PTPN18: variants seen among roughly 807,000 people sequenced by gnomAD.
PTPN18 encodes the protein protein tyrosine phosphatase non-receptor type 18.
In PTPN18, 65 loss-of-function variants were observed where a neutral mutation model predicts 65.4. That is an observed-to-expected ratio of 0.99 (90% CI 0.81 to 1.22). The LOEUF (loss-of-function observed/expected upper bound fraction) is 1.22, where lower values mean the gene tolerates loss of function less well. PTPN18 is among the 50% of genes most tolerant of loss of function. PTPN18 has a pLI of 0.00. For missense variants in PTPN18, 616 were observed against 646.5 expected (o/e 0.95, Z 0.51); for synonymous variants, 255 against 267.8 (o/e 0.95, Z 0.47).
chr2:130,373,294 C>A lies in PTPN18; in HGVS notation c.*70C>A. 7.1e-7 allele frequency: 1 copy of A among 1,402,840 alleles called. No individual in the cohort carries two copies. The highest frequency in any genetic ancestry group is 9.6e-7 in the Non-Finnish European group (1 of 1,045,724). The allele number at this position is 1,402,840 out of a possible 1,614,324, so 86.9% of individuals were successfully genotyped here. A position where few individuals can be genotyped will look rare whatever the true frequency, so the allele number is the denominator to read the frequency against. ...GCTGATGCCCCGGTGCTGCTGAGCG[C>A]CGTGCGCAGAATGGAAACAGTGGGC... is the stretch of plus-strand genomic sequence containing the variant. On this transcript the variant is annotated 3_prime_UTR_variant, in exon 15 of 15. Transcript: ENST00000175756. This position sits in a 1 kb window ranked among gnomAD's most constrained non-coding sequence, Gnocchi z 4.1.
At chr2:130,372,104 G>C in intron 12 of PTPN18, 153 bp from the exon 13 acceptor site, 2 of 659,956 alleles carry the variant, frequency 3.0e-6, no homozygotes, top group Non-Finnish European at 4.9e-6. Flanking sequence ...TAGGGACACA[G>C]AAGCGAGGCC....
At chr2:130,362,066 CA>C in intron 5 of PTPN18, 1 of 460,346 alleles carries the variant, frequency 2.2e-6, no homozygotes, top group Non-Finnish European at 4.5e-6. Context: ...ATCCTGGGCT[CA>C]AATGATCATG....
In PTPN18 at chr2:130,372,446, GCACGCGGAGGA is replaced by G; in HGVS notation, c.1205_1215del (p.His402ArgfsTer12). On this transcript the variant is annotated frameshift_variant, in exon 13 of 15. Coordinates refer to ENST00000175756, the MANE Select transcript of PTPN18 (RefSeq NM_014369.4). LOFTEE classifies it high-confidence loss of function. Reference sequence around the variant, plus strand: ...CGCCGCGCGCCCAGCGACCCGGGGCGCACGCGGAGGACGCGAGGGGGACGCTGCCTGGCCGC... The same window carrying G: ...CGCCGCGCGCCCAGCGACCCGGGGCGCGCGAGGGGGACGCTGCCTGGCCGC... 7.3e-7 allele frequency: 1 copy of G among 1,368,220 alleles called. No individual in the cohort carries two copies. Among genetic ancestry groups the G allele is most frequent in the Non-Finnish European group, 9.4e-7 (1 of 1,067,728 alleles). 84.8% of individuals were successfully genotyped at this position (1,368,220 alleles called of 1,614,324 possible).
At chr2:130,360,833 C>A (rs1680169307) in intron 5 of PTPN18, among the ~76,000 whole-genome samples, 1 of 149,848 alleles carries the variant, frequency 6.7e-6, no homozygotes, top group Non-Finnish European at 1.5e-5. Flanking sequence ...TTTTCATTTT[C>A]CACTTTTTTT....
chr2:130,356,538 G>A, intron 1 of PTPN18: 1 of 504,932 alleles, frequency 2.0e-6, no homozygotes, highest in South Asian at 1.6e-5. Context: ...GGGCGGCCCT[G>A]CTGCGCTGGA....
At position 130,370,731 on chromosome 2, in the gene PTPN18, T is replaced by C; in HGVS notation, c.783T>C (p.Phe261=). Residue 261 remains phenylalanine, a synonymous_variant, in exon 10 of 15, where the codon TTT becomes TTC. Coordinates refer to ENST00000175756, the MANE Select transcript of PTPN18 (RefSeq NM_014369.4). ...TQMIPPDFSL[F]DVVLKMRKQR... ...TGATCCCACCTGACTTCAGTCTCTT[T>C]GATGTGGTCCTTAAGATGAGGAAGC... The C allele has an allele frequency of 6.2e-7, 1 of 1,614,224 alleles. No homozygotes were observed. The highest frequency in any genetic ancestry group is 8.5e-7 in the Non-Finnish European group (1 of 1,180,034).
rs1398154649 is a variant in PTPN18 at position 130,358,960 on chromosome 2, A to AAAGACGTGC, written c.188_196dup (p.Val65_Leu66insGlnAspVal). Reference sequence around the variant, plus strand: ...AGAGAACGTGAGGAAGAACCGCTACAAAGACGTGCTGCCTTGTAAGTCGGG... The same window carrying AAAGACGTGC: ...AGAGAACGTGAGGAAGAACCGCTACAAAGACGTGCAAGACGTGCTGCCTTGTAAGTCGGG... On this transcript the variant is annotated inframe_insertion, in exon 2 of 15. Coordinates refer to ENST00000175756, the MANE Select transcript of PTPN18 (RefSeq NM_014369.4). 6.2e-7 allele frequency: 1 copy of AAAGACGTGC among 1,614,122 alleles called. No homozygotes were observed. Among genetic ancestry groups the AAAGACGTGC allele is most frequent in the East Asian group, 2.2e-5 (1 of 44,888 alleles).
In PTPN18 at chr2:130,370,180, G is replaced by A; in HGVS notation, c.679G>A (p.Val227Ile). 6.2e-7 allele frequency: 1 copy of A among 1,611,684 alleles called. No individual in the cohort carries two copies. Among genetic ancestry groups the A allele is most frequent in the Non-Finnish European group, 8.5e-7 (1 of 1,180,010 alleles). Residue 227 changes from valine (V) to isoleucine (I), a missense_variant, in exon 8 of 15, where the codon GTC (valine) becomes ATC (isoleucine). By Grantham distance (29) the Val-to-Ile change is conservative. Around this residue, in one of 3 missense-constraint regions of PTPN18, gnomAD observed 368 missense variants for 386.7 expected, o/e 0.95. Transcript: ENST00000175756. ...GGGATCTGGCCCTGAACCCCTCTGT[G>A]TCCACTGCAGGTTTTGGAAATGGGC... ...LQGSGPEPLC[V>I]HCSAGCGRTG...
At position 130,369,805 on chromosome 2, in the gene PTPN18, C is replaced by T; in HGVS notation, c.524C>T (p.Thr175Ile). 1 of 1,604,160 alleles carries T rather than the reference C, an allele frequency of 6.2e-7. No individual in the cohort carries two copies. The highest frequency in any genetic ancestry group is 8.5e-7 in the Non-Finnish European group (1 of 1,171,300). ...KWLNEDIMLR[T>I]LKVTFQKESR... ...CTGAATGAGGACATCATGCTCAGGA[C>T]CCTCAAGGTCACATTCCAGAAGGTA... Residue 175 changes from threonine (T) to isoleucine (I), a missense_variant, in exon 7 of 15, where the codon ACC (threonine) becomes ATC (isoleucine). Transcript: ENST00000175756.
intron 5 of PTPN18, among the ~76,000 whole-genome samples, chr2:130,361,528 T>TTCTTTCTTTCTTTCTTTC (rs1680200823): frequency 7.4e-5 from 10 of 135,262 alleles, no homozygotes; most frequent in African/African-American, 3.0e-4. Flanking sequence ...CTTTCTTTCT[T>TTCTTTCTTTCTTTCTTTC]TCTTTCTTTC....
In PTPN18 at chr2:130,367,202, T is replaced by C. The variant is rs960898673; in HGVS notation, c.415-1931T>C. Among the ~76,000 whole-genome samples, 8 of 151,978 alleles carry C rather than the reference T, an allele frequency of 5.3e-5. No individual in the cohort carries two copies. The South Asian group carries it at 1.7e-3, about 32-fold the overall frequency. On this transcript the variant is annotated intron_variant, in intron 5 of 14. Coordinates refer to ENST00000175756, the MANE Select transcript of PTPN18 (RefSeq NM_014369.4). ...CATCTGAAGAGCTTACTCTAATATTTCTCATAATGCAGATTTGTTTGTGAT... is the reference window on the plus strand; with the variant it reads ...CATCTGAAGAGCTTACTCTAATATTCCTCATAATGCAGATTTGTTTGTGAT...
At chr2:130,362,331 A>G (rs974006263) in intron 5 of PTPN18, 3 of 312,716 alleles carry the variant, frequency 9.6e-6, no homozygotes, top group African/African-American at 4.6e-5. Flanking sequence ...TCAGCCTTTA[A>G]TGTAATTATC....
At chr2:130,362,196 C>G (rs1680238214) in intron 5 of PTPN18, 3 of 468,136 alleles carry the variant, frequency 6.4e-6, no homozygotes, top group Non-Finnish European at 1.3e-5. Context: ...TCTCGAACTC[C>G]TGGCCTCAAG....
Position 130,374,655 on chromosome 2 carries a change from C to T in PTPN18, c.*1431C>T, listed in dbSNP as rs1335137936. ...CCTGAACCTCAAGGGTCCCGCCCCT[C>T]TCACTTTCAGGTCTCTGGACCTCTG... On this transcript the variant is annotated 3_prime_UTR_variant, in exon 15 of 15. Transcript: ENST00000175756. The T allele has an allele frequency of 2.1e-6, 1 of 471,408 alleles. No individual in the cohort carries two copies. The highest frequency in any genetic ancestry group is 2.0e-5 in the African/African-American group (1 of 50,100). 29.2% of individuals were successfully genotyped at this position (471,408 alleles called of 1,614,324 possible).
At chr2:130,371,934 G>A (rs376159132) in intron 12 of PTPN18, 8 of 317,448 alleles carry the variant, frequency 2.5e-5, no homozygotes, top group East Asian at 1.7e-4. Flanking sequence ...TAAGGCCCTT[G>A]TCCTTGCGGC....
chr2:130,365,655 T>C (rs73960314), intron 5 of PTPN18, among the ~76,000 whole-genome samples: 6,462 of 152,298 alleles, frequency 0.042, 460 homozygotes, highest in African/African-American at 0.15. Context: ...TCAGAGGTCA[T>C]AAAGACTTAC....
intron 1 of PTPN18, among the ~76,000 whole-genome samples, chr2:130,358,353 T>C (rs1166266374): frequency 6.6e-6 from 1 of 152,286 alleles, no homozygotes; most frequent in Admixed American, 6.5e-5. Flanking sequence ...ACAGTGCCTA[T>C]AGTATCTTGT....
In PTPN18 at chr2:130,373,742, C is replaced by T. The variant is rs986001661; in HGVS notation, c.*518C>T. Reference sequence around the variant, plus strand: ...TGGACCACCAACCTGGACAGACAGCCAAAGCTTCAGAGATACAGTCCACAG... The same window carrying T: ...TGGACCACCAACCTGGACAGACAGCTAAAGCTTCAGAGATACAGTCCACAG... On this transcript the variant is annotated 3_prime_UTR_variant, in exon 15 of 15. Coordinates refer to ENST00000175756, the MANE Select transcript of PTPN18 (RefSeq NM_014369.4). The surrounding 1 kb of genome is among the most constrained non-coding windows in gnomAD (Gnocchi z 4.1). The T allele has an allele frequency of 1.3e-5, 2 of 153,104 alleles. No homozygotes were observed. Among genetic ancestry groups the T allele is most frequent in the African/African-American group, 4.8e-5 (2 of 41,424 alleles). 9.5% of individuals were successfully genotyped at this position (153,104 alleles called of 1,614,324 possible).
Position 130,373,150 on chromosome 2 carries a change from C to A in PTPN18, c.1316-7C>A. On this transcript the variant is annotated splice_polypyrimidine_tract_variant and splice_region_variant and intron_variant, in intron 14 of 14. Coordinates refer to ENST00000175756, the MANE Select transcript of PTPN18 (RefSeq NM_014369.4). This position sits in a 1 kb window ranked among gnomAD's most constrained non-coding sequence, Gnocchi z 4.1. ...CCATGAGACCCACGGCACCCTTCTT[C>A]TCCCAGGTTTCAACCTGCGCATTGG... 5 of 1,574,074 alleles carry A rather than the reference C, an allele frequency of 3.2e-6. No homozygotes were observed. The highest frequency in any genetic ancestry group is 4.3e-6 in the Non-Finnish European group (5 of 1,159,142).
Sources: allele counts gnomAD v4.1 joint callset (sites outside exome capture counted in the v4.1 genomes callset), GRCh38; gene constraint gnomAD v4.1.1; regional missense constraint gnomAD v4.1.1; non-coding constraint Gnocchi (gnomAD v3.1); transcripts MANE v1.5; gene names NCBI Gene and HGNC (gene_info 2026-07-23, HGNC 2026-07-21).